Variants in UST observed in about 807,000 individuals in gnomAD.
UST encodes the protein chondroitin sulfate 2-O-sulfotransferase.
UST carries 21 observed loss-of-function variants against 45.6 expected under a neutral mutation model. The ratio of observed to expected loss-of-function variants is 0.46; its 90% CI spans 0.33 to 0.66. UST has a LOEUF of 0.66. Among genes scored for constraint, UST ranks in the 30% least tolerant of loss-of-function variants. The pLI is 0.02. For missense variants in UST, 463 were observed against 512.4 expected, an observed-to-expected ratio of 0.90 and a Z score of 0.93; for synonymous variants, 215 against 200.6, an observed-to-expected ratio of 1.07 and a Z score of -0.61.
chr6:148,751,892 A>G (rs1582787462), intron 1 of UST, among the ~76,000 whole-genome samples: 1 of 152,270 alleles, frequency 6.6e-6, no homozygotes, highest in South Asian at 2.1e-4. Context: ...AACTTGGAAT[A>G]AGACTCATTG....
chr6:148,977,722 A>C (rs1463200636), intron 5 of UST, among the ~76,000 whole-genome samples: 1 of 145,846 alleles, frequency 6.9e-6, no homozygotes, highest in African/African-American at 2.5e-5. Flanking sequence ...ACTGTACTCC[A>C]GCCTGGATGA....
intron 2 of UST, among the ~76,000 whole-genome samples, chr6:148,895,307 ATAT>A (rs1313239784): frequency 6.6e-6 from 1 of 152,178 alleles, no homozygotes; most frequent in Non-Finnish European, 1.5e-5. Flanking sequence ...CACAAAAAAC[ATAT>A]TATATTACAT....
intron 2 of UST, among the ~76,000 whole-genome samples, chr6:148,927,314 T>C (rs569632248): frequency 2.1e-4 from 32 of 152,282 alleles, no homozygotes; most frequent in South Asian, 1.5e-3. Flanking sequence ...GTTAGCGTAA[T>C]TGGTGAAAAA....
At chr6:148,747,741 G>T in intron 1 of UST, 64 bp downstream of exon 1, 2 of 1,479,884 alleles carry the variant, frequency 1.4e-6, no homozygotes, top group Admixed American at 2.3e-5. Flanking sequence ...CGGGGAGAGG[G>T]TCGCGGCGGG....
At chr6:148,751,293 G>A (rs1185057925) in intron 1 of UST, among the ~76,000 whole-genome samples, 2 of 152,158 alleles carry the variant, frequency 1.3e-5, no homozygotes, top group African/African-American at 4.8e-5. Context: ...CATCTTGTTT[G>A]CTACTTAAGC....
intron 7 of UST, among the ~76,000 whole-genome samples, chr6:149,065,850 T>C (rs1478565486): frequency 6.6e-6 from 1 of 152,196 alleles, no homozygotes; most frequent in Non-Finnish European, 1.5e-5. Flanking sequence ...TCATTAACCT[T>C]ATTAAATTTG....
chr6:148,965,195 G>C (rs1445865180), intron 5 of UST, among the ~76,000 whole-genome samples: 1 of 152,128 alleles, frequency 6.6e-6, no homozygotes, highest in Non-Finnish European at 1.5e-5. Context: ...TGTTAGTCTC[G>C]AGCCCAGTAA....
intron 2 of UST, among the ~76,000 whole-genome samples, chr6:148,887,478 C>CCCTGG (rs1402540058): frequency 1.3e-5 from 2 of 152,246 alleles, no homozygotes; most frequent in African/African-American, 4.8e-5. Context: ...CTCAAGGCTG[C>CCCTGG]CCTGGCCTGG....
At chr6:148,987,141 A>G (rs1331644669) in intron 5 of UST, among the ~76,000 whole-genome samples, 1 of 152,228 alleles carries the variant, frequency 6.6e-6, no homozygotes, top group Non-Finnish European at 1.5e-5. Context: ...GATCTGGTTG[A>G]TGTGCTTCCT....
intron 4 of UST, 75 bp downstream of exon 4, chr6:148,954,026 T>C (rs1780427167): frequency 8.1e-7 from 1 of 1,238,114 alleles, no homozygotes; most frequent in South Asian, 1.4e-5. Context: ...TACCTTTATT[T>C]ACAAGGCAGT....
At chr6:148,984,349 CCAAGTACTG>C (rs1781198333) in intron 5 of UST, among the ~76,000 whole-genome samples, 1 of 151,976 alleles carries the variant, frequency 6.6e-6, no homozygotes. Context: ...GTCAAGGGTC[CCAAGTACTG>C]CAAGAATCTC....
chr6:148,785,491 G>A (rs1282532181), intron 1 of UST, among the ~76,000 whole-genome samples: 1 of 152,176 alleles, frequency 6.6e-6, no homozygotes, highest in Non-Finnish European at 1.5e-5. Flanking sequence ...AAAGACTAAA[G>A]TGCTATATTA....
intron 2 of UST, among the ~76,000 whole-genome samples, chr6:148,894,246 A>G (rs1410365167): frequency 6.6e-6 from 1 of 152,212 alleles, no homozygotes; most frequent in Admixed American, 6.5e-5. Context: ...GGATTGAATT[A>G]TGTTTTCCCA....
Position 149,019,239 on chromosome 6 carries a change from A to G in UST, c.779+3A>G. On this transcript the variant is annotated splice_donor_region_variant and intron_variant, in intron 6 of 7. Transcript: ENST00000367463. ...TGTGGACAGCATCCCAGATGCAGGT[A>G]AGGGCTAAAGCAGGGTCATGGCATG... is the stretch of plus-strand genomic sequence containing the variant. 6.2e-7 allele frequency: 1 copy of G among 1,612,446 alleles called. No individual in the cohort carries two copies. Among genetic ancestry groups the G allele is most frequent in the Non-Finnish European group, 8.5e-7 (1 of 1,178,522 alleles).
At chr6:148,953,688 C>T (rs369935830) in intron 3 of UST, among the ~76,000 whole-genome samples, 184 bp from the exon 4 acceptor site, 88 of 148,624 alleles carry the variant, frequency 5.9e-4, no homozygotes, top group Admixed American at 2.5e-3. Flanking sequence ...AGGAGAATGG[C>T]GTGAACCCGG....
At chr6:148,879,102 G>A (rs1040057277) in intron 1 of UST, among the ~76,000 whole-genome samples, 2 of 152,132 alleles carry the variant, frequency 1.3e-5, no homozygotes, top group Non-Finnish European at 2.9e-5. Flanking sequence ...GCTCCCATAT[G>A]GTTTAGGGGA....
chr6:148,999,596 C>G (rs1360678090), intron 5 of UST, among the ~76,000 whole-genome samples: 1 of 139,278 alleles, frequency 7.2e-6, no homozygotes, highest in Non-Finnish European at 1.7e-5. Context: ...GAAGAACCCT[C>G]AGGAATAATG....
chr6:149,003,812 G>A (rs116971782), intron 5 of UST, among the ~76,000 whole-genome samples: 5,220 of 152,288 alleles, frequency 0.034, 134 homozygotes, highest in Non-Finnish European at 0.049. Context: ...TTCAGAGAGT[G>A]GAATTAGGGA....
At chr6:148,865,697 TGTG>T (rs1778415230) in intron 1 of UST, among the ~76,000 whole-genome samples, 3 of 147,834 alleles carry the variant, frequency 2.0e-5, no homozygotes, top group Non-Finnish European at 4.5e-5. Flanking sequence ...TGTGTGTGTG[TGTG>T]TGTGTGTGTG....
Sources: gnomAD v4.1 joint callset for allele counts (sites outside exome capture counted in the v4.1 genomes callset) on GRCh38, gnomAD v4.1.1 for gene constraint, MANE v1.5 for transcripts, NCBI Gene and HGNC (gene_info 2026-07-23, HGNC 2026-07-21) for gene names.